The following NFIB variants were observed in gnomAD, a reference collection of about 807,000 sequenced individuals.
The protein encoded by NFIB is nuclear factor I B, also known as nuclear factor 1 B-type.
Under a neutral mutation model 61.5 loss-of-function variants are expected in NFIB, and 11 were observed. That is an observed-to-expected ratio of 0.18 (90% CI 0.11 to 0.30). The LOEUF (loss-of-function observed/expected upper bound fraction) is 0.30. Among genes scored for constraint, NFIB ranks in the 10% least tolerant of loss-of-function variants. The pLI is 1.00. For synonymous variants in NFIB, 260 were observed against 216.5 expected (o/e 1.20, Z -1.76); for missense variants, 471 against 608.9 (o/e 0.77, Z 2.38).
At chr9:14,436,734 G>A in the NFIB span, among the ~76,000 whole-genome samples, 2 of 152,112 alleles carry the variant, frequency 1.3e-5, no homozygotes, top group Non-Finnish European at 2.9e-5. Context: ...TATCAATAGT[G>A]ACATTATTAT....
At chr9:14,229,396 T>C (rs1357459147) in intron 2 of NFIB, among the ~76,000 whole-genome samples, 1 of 152,180 alleles carries the variant, frequency 6.6e-6, no homozygotes, top group Non-Finnish European at 1.5e-5. Context: ...CAAGTACTTC[T>C]ACAATAAATT....
chr9:14,376,659 G>C (rs1347345367), intron 1 of NFIB, among the ~76,000 whole-genome samples: 2 of 151,920 alleles, frequency 1.3e-5, no homozygotes, highest in Non-Finnish European at 2.9e-5. Context: ...TGGGATTACA[G>C]ATGGAAGCTA....
At chr9:14,245,257 G>A (rs1457576367) in intron 2 of NFIB, among the ~76,000 whole-genome samples, 1 of 152,128 alleles carries the variant, frequency 6.6e-6, no homozygotes, top group African/African-American at 2.4e-5. Flanking sequence ...AAACATCACA[G>A]TCACACCCAA....
rs989831871 is a variant in NFIB at position 14,306,860 on chromosome 9, T to C, written c.562+129A>G. On this transcript the variant is annotated intron_variant, in intron 2 of 10. Transcript: ENST00000380953. ...GACATGTGAGTGAAAGCGGACACCCTACTATACCCAGAGAGGGTGGAGGAT... is the reference window on the plus strand; with the variant it reads ...GACATGTGAGTGAAAGCGGACACCCCACTATACCCAGAGAGGGTGGAGGAT... 8 of 1,140,724 alleles carry C rather than the reference T, an allele frequency of 7.0e-6. No homozygotes were observed. The African/African-American group carries it at 9.2e-5, about 13-fold the overall frequency. The allele number at this position is 1,140,724 out of a possible 1,614,324, so 70.7% of individuals were successfully genotyped here.
At chr9:14,494,819 A>G in the NFIB span, among the ~76,000 whole-genome samples, 1 of 151,988 alleles carries the variant, frequency 6.6e-6, no homozygotes, top group Non-Finnish European at 1.5e-5. Flanking sequence ...GCCACTCTCA[A>G]TTGCCTAGGT....
intron 2 of NFIB, among the ~76,000 whole-genome samples, chr9:14,187,631 A>G (rs1254670265): frequency 6.6e-6 from 1 of 152,204 alleles, no homozygotes; most frequent in African/African-American, 2.4e-5. Context: ...TTTCTTTTAA[A>G]GAGCCACTTT....
At position 14,192,367 on chromosome 9, in the gene NFIB, A is replaced by C. The variant is rs10961411; in HGVS notation, c.563-12587T>G. The stretch of plus-strand genomic sequence containing the variant: ...TAAAGCTTTGGATGATATTATGCAA[A>C]CTTAATTCCCCTGCCCCAAACAATT... On this transcript the variant is annotated intron_variant, in intron 2 of 10. Transcript: ENST00000380953. 2.1e-3 allele frequency among the ~76,000 whole-genome samples: 318 copies of C among 152,018 alleles called. 1 individual carries two copies. The highest frequency in any genetic ancestry group is 2.0e-3 in the Non-Finnish European group (133 of 67,948).
intron 1 of NFIB, among the ~76,000 whole-genome samples, chr9:14,347,704 A>G (rs1250754619): frequency 3.9e-5 from 6 of 151,994 alleles, no homozygotes; most frequent in Non-Finnish European, 8.8e-5. Flanking sequence ...GACTGTGCGG[A>G]GTGTAAAAGA....
At chr9:14,124,249 G>A (rs535987069) in intron 7 of NFIB, among the ~76,000 whole-genome samples, 23 of 152,144 alleles carry the variant, frequency 1.5e-4, no homozygotes, top group Non-Finnish European at 2.4e-4. Flanking sequence ...ATCAGGTGTC[G>A]TAACAAATGG....
chr9:14,500,860 A>C, the NFIB span, among the ~76,000 whole-genome samples: 1 of 151,886 alleles, frequency 6.6e-6, no homozygotes, highest in South Asian at 2.1e-4. Flanking sequence ...AAAACCGCCC[A>C]CTCCCTGGTT....
chr9:14,300,905 T>G (rs1046345883), intron 2 of NFIB, among the ~76,000 whole-genome samples: 1 of 152,156 alleles, frequency 6.6e-6, no homozygotes, highest in Non-Finnish European at 1.5e-5. Flanking sequence ...CTTGCTATAT[T>G]GGGTATCTTG....
At chr9:14,272,176 A>G (rs975226144) in intron 2 of NFIB, among the ~76,000 whole-genome samples, 3 of 152,110 alleles carry the variant, frequency 2.0e-5, no homozygotes, top group Non-Finnish European at 2.9e-5. Context: ...CAAACTTAAA[A>G]TAGCTACTAA....
At chr9:14,414,762 T>C in the NFIB span, among the ~76,000 whole-genome samples, 1 of 152,190 alleles carries the variant, frequency 6.6e-6, no homozygotes, top group African/African-American at 2.4e-5. Context: ...TTAAATGTTA[T>C]AGAATATCTT....
intron 2 of NFIB, among the ~76,000 whole-genome samples, chr9:14,208,963 G>C (rs1239159831): frequency 2.0e-5 from 3 of 151,996 alleles, no homozygotes; most frequent in African/African-American, 7.2e-5. Context: ...AGAGATGAAA[G>C]AACAACAAAA....
intron 2 of NFIB, among the ~76,000 whole-genome samples, chr9:14,208,733 A>G (rs1418545646): frequency 6.6e-6 from 1 of 152,182 alleles, no homozygotes; most frequent in Admixed American, 6.5e-5. Flanking sequence ...ACCATTCAAC[A>G]ATGTTTTGAA....
At chr9:14,516,938 A>G in the NFIB span, among the ~76,000 whole-genome samples, 1 of 152,254 alleles carries the variant, frequency 6.6e-6, no homozygotes, top group Admixed American at 6.5e-5. Flanking sequence ...AGCCTGCCAG[A>G]TGCACAAAAC....
At chr9:14,346,956 C>G (rs901420885) in intron 1 of NFIB, among the ~76,000 whole-genome samples, 2 of 151,986 alleles carry the variant, frequency 1.3e-5, no homozygotes, top group African/African-American at 4.8e-5. Flanking sequence ...TGAGGCCGAG[C>G]TCCCGCACGA....
At chr9:14,377,429 T>A (rs2061432289) in intron 1 of NFIB, among the ~76,000 whole-genome samples, 1 of 152,154 alleles carries the variant, frequency 6.6e-6, no homozygotes, top group Non-Finnish European at 1.5e-5. Context: ...CTATTGTCTA[T>A]GCTTGTCTCT....
At chr9:14,334,038 A>C (rs1317522070) in intron 1 of NFIB, among the ~76,000 whole-genome samples, 1 of 152,208 alleles carries the variant, frequency 6.6e-6, no homozygotes, top group African/African-American at 2.4e-5. Flanking sequence ...ATTGCAGGTA[A>C]CCGTGTTTTG....
Sources: gnomAD v4.1 joint callset for allele counts (sites outside exome capture counted in the v4.1 genomes callset) on GRCh38, gnomAD v4.1.1 for gene constraint, MANE v1.5 for transcripts, NCBI Gene and HGNC (gene_info 2026-07-23, HGNC 2026-07-21) for gene names.